Variants in GRM1 observed in about 807,000 individuals in gnomAD.
GRM1 encodes metabotropic glutamate receptor 1.
A neutral mutation model predicts 90.9 loss-of-function variants in GRM1; 33 were observed. That is an observed-to-expected ratio of 0.36 (90% CI 0.28 to 0.49). GRM1 has a LOEUF of 0.49. GRM1 is among the 20% of genes least tolerant of loss of function. The probability of loss-of-function intolerance (pLI) is 0.99; values close to 1 mark genes in which losing one functional copy is unlikely to be tolerated. For missense variants in GRM1, 1,190 were observed against 1,534.3 expected (o/e 0.78, Z 3.75); for synonymous variants, 700 against 613.2 (o/e 1.14, Z -2.09).
chr6:146,419,548 C>A (rs1376546924), intron 7 of GRM1, among the ~76,000 whole-genome samples: 3 of 152,160 alleles, frequency 2.0e-5, no homozygotes, highest in Non-Finnish European at 4.4e-5. Flanking sequence ...TTCATTCTCA[C>A]ACTGCTATAT....
intron 5 of GRM1, among the ~76,000 whole-genome samples, chr6:146,375,564 A>G (rs1776066404): frequency 1.3e-5 from 2 of 151,774 alleles, no homozygotes; most frequent in African/African-American, 2.4e-5. Context: ...TCCTTTACCT[A>G]TCTAGGTGCT....
At chr6:146,072,593 T>C (rs1776051171) in intron 1 of GRM1, among the ~76,000 whole-genome samples, 2 of 152,184 alleles carry the variant, frequency 1.3e-5, no homozygotes, top group Admixed American at 1.3e-4. Context: ...ATGACATAAT[T>C]TGACCATATT....
At chr6:146,202,394 G>A (rs1034861273) in intron 2 of GRM1, among the ~76,000 whole-genome samples, 5 of 152,132 alleles carry the variant, frequency 3.3e-5, no homozygotes, top group African/African-American at 1.2e-4. Flanking sequence ...ATCAATAAAA[G>A]CAGCTATCAT....
At chr6:146,231,284 C>T (rs1286917121) in intron 2 of GRM1, among the ~76,000 whole-genome samples, 2 of 152,122 alleles carry the variant, frequency 1.3e-5, no homozygotes, top group Non-Finnish European at 2.9e-5. Flanking sequence ...AATCACCATA[C>T]CTTCCACTCA....
intron 2 of GRM1, among the ~76,000 whole-genome samples, chr6:146,290,083 G>A (rs1363484888): frequency 6.6e-6 from 1 of 152,168 alleles, no homozygotes; most frequent in Non-Finnish European, 1.5e-5. Context: ...GAGAATAACT[G>A]TCAGGAAAAC....
intron 6 of GRM1, among the ~76,000 whole-genome samples, chr6:146,387,711 G>A (rs1776560194): frequency 6.6e-6 from 1 of 152,024 alleles, no homozygotes. Context: ...AGGGACAATG[G>A]TCCAGTAGGG....
intron 7 of GRM1, among the ~76,000 whole-genome samples, chr6:146,414,645 G>T (rs572108221): frequency 6.6e-6 from 1 of 152,180 alleles, no homozygotes; most frequent in African/African-American, 2.4e-5. Context: ...CTTGTGATCC[G>T]CCCGCCTCGG....
rs1777082431 is a variant in GRM1, at chr6:146,399,667, C to G, written c.2628C>G (p.Phe876Leu). The G allele has an allele frequency of 6.2e-7, 1 of 1,613,510 alleles. No individual in the cohort carries two copies. The highest frequency in any genetic ancestry group is 8.5e-7 in the Non-Finnish European group (1 of 1,179,884). ...GCTCCAACACTTTCCTCAACATCTT[C>G]CGAAGAAAGAAGGCAGGGGCAGGGA... ...PCRSNTFLNI[F>L]RRKKAGAGNA... Residue 876 changes from phenylalanine (F) to leucine (L), a missense_variant, in exon 7 of 8, where the codon TTC (phenylalanine) becomes TTG (leucine). By Grantham distance (22) the Phe-to-Leu change is conservative. Around this residue, in one of 10 missense-constraint regions of GRM1, gnomAD observed 400 missense variants for 360.8 expected, o/e 1.11. Transcript: ENST00000282753. The surrounding 1 kb of genome is among the most constrained non-coding windows in gnomAD (Gnocchi z 5.4).
At position 146,399,685 on chromosome 6, in the gene GRM1, G is replaced by A; in HGVS notation, c.2646G>A (p.Gly882=). The A allele has an allele frequency of 1.2e-6, 2 of 1,610,342 alleles. No individual in the cohort carries two copies. The highest frequency in any genetic ancestry group is 1.7e-6 in the Non-Finnish European group (2 of 1,178,760). The part of the protein sequence containing the change: ...FLNIFRRKKA[G]AGNANSNGKS... ...ACATCTTCCGAAGAAAGAAGGCAGG[G>A]GCAGGGAATGCCAAGTGAGTTATCT... is the stretch of plus-strand genomic sequence containing the variant. The change falls in exon 7 of 8, where the codon GGG becomes GGA. Residue 882 remains glycine (G), a synonymous_variant. Transcript: ENST00000282753. This position sits in a 1 kb window ranked among gnomAD's most constrained non-coding sequence, Gnocchi z 5.4.
At chr6:146,426,597 C>G in intron 7 of GRM1, 1 of 1,610,228 alleles carries the variant, frequency 6.2e-7, no homozygotes, top group Non-Finnish European at 8.5e-7. Flanking sequence ...AGCCAATGTC[C>G]GTCGGCACAT....
intron 1 of GRM1, among the ~76,000 whole-genome samples, chr6:146,158,662 A>C (rs1777605291): frequency 2.0e-5 from 3 of 152,184 alleles, no homozygotes; most frequent in Admixed American, 2.0e-4. Flanking sequence ...GAGACAGGGA[A>C]CTTGTAAAGT....
At position 146,160,292 on chromosome 6, in the gene GRM1, G is replaced by A. The variant is rs144376363; in HGVS notation, c.950+695G>A. Reference sequence around the variant, plus strand: ...TAGCTAATTTTGATGCTTTCTGCATGTGATTTCTGGAATTGCTGGTGGTGG... The same window carrying A: ...TAGCTAATTTTGATGCTTTCTGCATATGATTTCTGGAATTGCTGGTGGTGG... On this transcript the variant is annotated intron_variant, in intron 2 of 7. Coordinates refer to ENST00000282753, the MANE Select transcript of GRM1 (RefSeq NM_001278064.2). 4.8e-4 allele frequency among the ~76,000 whole-genome samples: 73 copies of A among 152,288 alleles called. No individual in the cohort carries two copies. The East Asian group carries it at 0.013, about 28-fold the overall frequency.
At chr6:146,349,136 G>T (rs530572147) in intron 3 of GRM1, among the ~76,000 whole-genome samples, 5 of 150,086 alleles carry the variant, frequency 3.3e-5, no homozygotes, top group Non-Finnish European at 5.9e-5. Context: ...GCGCGATCTC[G>T]GCTCACTACA....
chr6:146,097,088 T>G (rs764913423), intron 1 of GRM1, among the ~76,000 whole-genome samples: 12 of 152,122 alleles, frequency 7.9e-5, no homozygotes, highest in Non-Finnish European at 1.5e-4. Context: ...CTCCAAAAAG[T>G]TGATATTGTA....
At chr6:146,254,823 A>G (rs917196720) in intron 2 of GRM1, among the ~76,000 whole-genome samples, 1 of 152,118 alleles carries the variant, frequency 6.6e-6, no homozygotes, top group Non-Finnish European at 1.5e-5. Flanking sequence ...TTCTTATATC[A>G]TCTTCCCCCT....
At chr6:146,379,325 C>G (rs977399144) in intron 5 of GRM1, among the ~76,000 whole-genome samples, 7 of 152,142 alleles carry the variant, frequency 4.6e-5, no homozygotes, top group African/African-American at 1.7e-4. Flanking sequence ...TTTAAACTCA[C>G]TAATTCTTTT....
At chr6:146,256,460 T>C (rs150412202) in intron 2 of GRM1, among the ~76,000 whole-genome samples, 10 of 152,232 alleles carry the variant, frequency 6.6e-5, no homozygotes, top group Non-Finnish European at 1.5e-4. Flanking sequence ...TCCTCCTATG[T>C]AGCTTAACTC....
intron 1 of GRM1, among the ~76,000 whole-genome samples, chr6:146,155,491 G>C (rs182270940): frequency 3.9e-5 from 6 of 152,086 alleles, no homozygotes; most frequent in Non-Finnish European, 7.4e-5. Flanking sequence ...CACATTTCTC[G>C]GAACATATCC....
intron 2 of GRM1, among the ~76,000 whole-genome samples, chr6:146,246,603 A>G (rs904030985): frequency 3.9e-5 from 6 of 152,218 alleles, no homozygotes; most frequent in Non-Finnish European, 7.3e-5. Flanking sequence ...GAAGTTCACC[A>G]TGTTCTATCA....
Sources: allele counts gnomAD v4.1 joint callset (sites outside exome capture counted in the v4.1 genomes callset), GRCh38; gene constraint gnomAD v4.1.1; regional missense constraint gnomAD v4.1.1; non-coding constraint Gnocchi (gnomAD v3.1); transcripts MANE v1.5; gene names NCBI Gene and HGNC (gene_info 2026-07-23, HGNC 2026-07-21).